BEST3: variants seen among roughly 807,000 people sequenced by gnomAD.
The protein encoded by BEST3 is bestrophin-3.
In BEST3, 50 loss-of-function variants were observed where a neutral mutation model predicts 47.1. That is an observed-to-expected ratio of 1.06 (90% CI 0.85 to 1.34). The LOEUF is 1.34. Among genes scored for constraint, BEST3 ranks in the 40% most tolerant of loss-of-function variants. The probability of loss-of-function intolerance (pLI) is 0.00; values close to 1 mark genes in which losing one functional copy is unlikely to be tolerated. For synonymous variants in BEST3, 282 were observed against 298.8 expected, an observed-to-expected ratio of 0.94 and a Z score of 0.58; for missense variants, 765 against 817.0, an observed-to-expected ratio of 0.94 and a Z score of 0.78.
At chr12:69,695,764 AT>A (rs562836497) in intron 2 of BEST3, among the ~76,000 whole-genome samples, 39 of 152,248 alleles carry the variant, frequency 2.6e-4, no homozygotes, top group African/African-American at 9.1e-4. Flanking sequence ...GTAAGTGGGG[AT>A]AAAAATATCT....
At chr12:69,648,254 T>C (rs1465741649) in intron 9 of BEST3, among the ~76,000 whole-genome samples, 1 of 151,944 alleles carries the variant, frequency 6.6e-6, no homozygotes, top group Non-Finnish European at 1.5e-5. Context: ...GTGGAGGCAA[T>C]TGGGACAGTA....
intron 2 of BEST3, among the ~76,000 whole-genome samples, chr12:69,695,159 T>C (rs1273801852): frequency 6.6e-6 from 1 of 152,142 alleles, no homozygotes; most frequent in East Asian, 1.9e-4. Flanking sequence ...ATATTTACAT[T>C]ATAGGGAAGA....
In BEST3 at chr12:69,655,608, G is replaced by T; in HGVS notation, c.1306C>A (p.Leu436Met). Residue 436 changes from leucine (L) to methionine (M), a missense_variant, in exon 10 of 10, where the codon CTG becomes ATG. By Grantham distance (15) the Leu-to-Met change is conservative (BLOSUM62 2). Transcript: ENST00000330891. ...RDDLSPARDL[L>M]DVPSRNPPRA... ...GGGGGGTTTCTTGAGGGCACATCCA[G>T]TAGGTCCCTGGCTGGGCTGAGGTCA... 6.2e-7 allele frequency: 1 copy of T among 1,614,038 alleles called. No individual in the cohort carries two copies. Among genetic ancestry groups the T allele is most frequent in the Non-Finnish European group, 8.5e-7 (1 of 1,179,994 alleles).
intron 5 of BEST3, 75 bp from the exon 6 acceptor site, chr12:69,677,332 T>A: frequency 7.8e-7 from 1 of 1,289,906 alleles, no homozygotes; most frequent in Non-Finnish European, 1.1e-6. Context: ...GGACTCAGAA[T>A]GTGAGCATGT....
At chr12:69,694,116 ATTGACTGC>A in intron 3 of BEST3, 1 of 575,522 alleles carries the variant, frequency 1.7e-6, no homozygotes, top group Non-Finnish European at 3.1e-6. Context: ...GATCTCAAAT[ATTGACTGC>A]AAAAATGGAG....
chr12:69,645,306 G>A (rs1882998018), intron 9 of BEST3, among the ~76,000 whole-genome samples: 1 of 152,134 alleles, frequency 6.6e-6, no homozygotes, highest in Non-Finnish European at 1.5e-5. Context: ...GGAACGCTAA[G>A]TTTTTTCCCC....
At chr12:69,693,500 GA>G (rs1253001949) in intron 4 of BEST3, among the ~76,000 whole-genome samples, 173 bp downstream of exon 4, 1 of 152,044 alleles carries the variant, frequency 6.6e-6, no homozygotes, top group Non-Finnish European at 1.5e-5. Flanking sequence ...CCTGACCTCA[GA>G]TGATCCGCCC....
intron 2 of BEST3, among the ~76,000 whole-genome samples, chr12:69,696,380 T>C (rs1337754140): frequency 6.6e-6 from 1 of 152,202 alleles, no homozygotes; most frequent in Admixed American, 6.5e-5. Flanking sequence ...TGTTCTATTC[T>C]TAGCAGAAGT....
chr12:69,686,197 A>G (rs1229966015), intron 4 of BEST3, among the ~76,000 whole-genome samples: 1 of 151,576 alleles, frequency 6.6e-6, no homozygotes, highest in Admixed American at 6.6e-5. Context: ...AAAAAAAAAA[A>G]ACAAACAGCC....
intron 9 of BEST3, among the ~76,000 whole-genome samples, chr12:69,656,907 A>T (rs759761273): frequency 2.0e-5 from 3 of 152,080 alleles, no homozygotes; most frequent in Non-Finnish European, 4.4e-5. Flanking sequence ...CTTTGCATTT[A>T]TGTCTGTACA....
intron 8 of BEST3, among the ~76,000 whole-genome samples, chr12:69,671,979 AC>A (rs1384383357): frequency 1.3e-5 from 2 of 152,178 alleles, no homozygotes; most frequent in African/African-American, 4.8e-5. Context: ...CATTCTGTTA[AC>A]CCTGTAAACA....
intron 9 of BEST3, chr12:69,660,704 C>T (rs1883820846): frequency 6.6e-6 from 1 of 151,944 alleles, no homozygotes; most frequent in African/African-American, 2.4e-5. Context: ...GGTTGTGTCA[C>T]ATATTGGTCT....
intron 3 of BEST3, 89 bp from the exon 4 acceptor site, chr12:69,693,996 G>A (rs1053169419): frequency 1.0e-6 from 1 of 969,584 alleles, no homozygotes; most frequent in African/African-American, 1.7e-5. Context: ...AGCCTTTTTA[G>A]AGGTTGGAGG....
In BEST3 at chr12:69,655,545, C is replaced by T; in HGVS notation, c.1369G>A (p.Glu457Lys). The change falls in exon 10 of 10, where the codon GAA becomes AAA. Residue 457 changes from glutamate to lysine, a missense_variant. Transcript: ENST00000330891. ...SPTWKKSCFPEGSPTLHFSMG... is the reference protein window; with the variant it reads ...SPTWKKSCFPKGSPTLHFSMG... ...CTGAAGTGCAGCGTGGGGCTTCCTT[C>T]TGGGAAGCAGGATTTCTTCCAGGTG... The T allele has an allele frequency of 6.2e-7, 1 of 1,614,024 alleles. No individual in the cohort carries two copies. Among genetic ancestry groups the T allele is most frequent in the Non-Finnish European group, 8.5e-7 (1 of 1,179,978 alleles).
At chr12:69,658,466 T>G (rs1883651526) in intron 9 of BEST3, among the ~76,000 whole-genome samples, 1 of 152,208 alleles carries the variant, frequency 6.6e-6, no homozygotes, top group South Asian at 2.1e-4. Context: ...TGGGTAGGTC[T>G]GCCAAGAAGA....
chr12:69,684,547 GA>G (rs1381822867), intron 4 of BEST3: 2 of 673,248 alleles, frequency 3.0e-6, no homozygotes, highest in Non-Finnish European at 5.7e-6. Context: ...TCTATTAGCA[GA>G]GGAACTAAAA....
intron 4 of BEST3, among the ~76,000 whole-genome samples, chr12:69,691,734 G>A (rs866084386): frequency 3.9e-5 from 6 of 152,204 alleles, no homozygotes; most frequent in Admixed American, 6.5e-5. Context: ...AGAGATTGCA[G>A]TGAGCCAAGA....
chr12:69,645,878 T>C (rs1284534951), intron 9 of BEST3, among the ~76,000 whole-genome samples: 1 of 152,164 alleles, frequency 6.6e-6, no homozygotes, highest in Non-Finnish European at 1.5e-5. Context: ...CAACCGTCTC[T>C]TTCTTCCTCC....
chr12:69,677,057 A>G lies in BEST3; in HGVS notation c.726T>C (p.Leu242=). The change falls in exon 7 of 10, where the codon CTT becomes CTC. Residue 242 remains leucine (L), a synonymous_variant. Transcript: ENST00000330891. ...IPLVYTQVVT[L]AVYTFFFACL... ...ACGCAAAGAAGAAGGTATAGACAGC[A>G]AGAGTGACAACCTGGAACAGAGAGA... is the stretch of plus-strand genomic sequence containing the variant. 1 of 1,614,206 alleles carries G rather than the reference A, an allele frequency of 6.2e-7. No homozygotes were observed. The highest frequency in any genetic ancestry group is 8.5e-7 in the Non-Finnish European group (1 of 1,180,028).
Sources: allele counts gnomAD v4.1 joint callset (sites outside exome capture counted in the v4.1 genomes callset), GRCh38; gene constraint gnomAD v4.1.1; transcripts MANE v1.5; gene names NCBI Gene and HGNC (gene_info 2026-07-23, HGNC 2026-07-21).